The following MGMT variants were observed in gnomAD, a reference collection of about 807,000 sequenced individuals.
MGMT encodes O-6-methylguanine-DNA methyltransferase, also known as methylated-DNA--protein-cysteine methyltransferase.
Under a neutral mutation model 15.9 loss-of-function variants are expected in MGMT, and 14 were observed. That is an observed-to-expected ratio of 0.88 (90% CI 0.58 to 1.37). MGMT has a LOEUF of 1.37. Among genes scored for constraint, MGMT ranks in the 40% most tolerant of loss-of-function variants. The probability of loss-of-function intolerance (pLI) is 0.00; values close to 1 mark genes in which losing one functional copy is unlikely to be tolerated. For synonymous variants in MGMT, 130 were observed against 118.2 expected (o/e 1.10, Z -0.65); for missense variants, 282 against 268.1 (o/e 1.05, Z -0.36).
chr10:129,740,934 G>A (rs1443183652), intron 3 of MGMT, among the ~76,000 whole-genome samples: 3 of 152,132 alleles, frequency 2.0e-5, no homozygotes, highest in East Asian at 3.8e-4. Context: ...CCAGACCTAC[G>A]TTACCATCTT....
chr10:129,554,230 T>C (rs953063694), intron 2 of MGMT, among the ~76,000 whole-genome samples: 7 of 152,214 alleles, frequency 4.6e-5, no homozygotes, highest in Non-Finnish European at 1.0e-4. Context: ...TCATACGCCA[T>C]CTGGGGACTT....
intron 2 of MGMT, among the ~76,000 whole-genome samples, chr10:129,549,045 G>A (rs1362211571): frequency 4.6e-5 from 7 of 152,140 alleles, no homozygotes; most frequent in Non-Finnish European, 5.9e-5. Flanking sequence ...ACTAAGTTTG[G>A]CAAATATGTT....
chr10:129,765,013 C>T (rs1848917250), intron 4 of MGMT, among the ~76,000 whole-genome samples: 1 of 152,072 alleles, frequency 6.6e-6, no homozygotes, highest in Non-Finnish European at 1.5e-5. Flanking sequence ...CCTTCCAGAG[C>T]GAGCTTGGTG....
intron 2 of MGMT, among the ~76,000 whole-genome samples, chr10:129,702,762 A>G (rs377086169): frequency 1.2e-4 from 19 of 152,330 alleles, no homozygotes; most frequent in Middle Eastern, 3.4e-3. Flanking sequence ...GGCGGACCAC[A>G]GGGCCGGCAT....
At chr10:129,751,689 ATTT>A (rs74437292) in intron 3 of MGMT, among the ~76,000 whole-genome samples, 18,437 of 151,906 alleles carry the variant, frequency 0.12, 1,147 homozygotes, top group Middle Eastern at 0.17. Context: ...TGTCCCATAA[ATTT>A]TAATATGCTT....
At chr10:129,494,067 T>C (rs1012599215) in intron 1 of MGMT, among the ~76,000 whole-genome samples, 1 of 152,256 alleles carries the variant, frequency 6.6e-6, no homozygotes, top group African/African-American at 2.4e-5. Context: ...GGCAATTTCA[T>C]ATCTGAGACT....
chr10:129,594,109 G>A (rs34839228), intron 2 of MGMT, among the ~76,000 whole-genome samples: 31,790 of 152,166 alleles, frequency 0.21, 4,287 homozygotes, highest in Non-Finnish European at 0.3. Context: ...TGTGGGGGCA[G>A]CCCTGTGTTG....
intron 3 of MGMT, chr10:129,717,564 G>T (rs1848314108): frequency 1.3e-5 from 2 of 152,098 alleles, no homozygotes. Context: ...CATTTTAATG[G>T]CAAAGACACA....
At chr10:129,555,550 A>C (rs1019877665) in intron 2 of MGMT, among the ~76,000 whole-genome samples, 1 of 151,216 alleles carries the variant, frequency 6.6e-6, no homozygotes, top group Admixed American at 6.6e-5. Context: ...CTACAAAAAA[A>C]CTTAAAAAAA....
At chr10:129,649,146 T>G (rs1847429165) in intron 2 of MGMT, among the ~76,000 whole-genome samples, 1 of 152,324 alleles carries the variant, frequency 6.6e-6, no homozygotes, top group South Asian at 2.1e-4. Flanking sequence ...CCCCCTGTTT[T>G]GTCATTCCAG....
intron 2 of MGMT, among the ~76,000 whole-genome samples, chr10:129,572,226 G>C (rs12252708): frequency 0.048 from 7,318 of 152,192 alleles, 618 homozygotes; most frequent in African/African-American, 0.17. Context: ...TATCTTAGGA[G>C]TAGTTAATTC....
At chr10:129,666,955 C>G (rs1847665959) in intron 2 of MGMT, among the ~76,000 whole-genome samples, 1 of 152,234 alleles carries the variant, frequency 6.6e-6, no homozygotes, top group African/African-American at 2.4e-5. Flanking sequence ...ATGTTGAAGG[C>G]TTCCCAGCCT....
At chr10:129,508,645 A>G (rs542129769) in intron 1 of MGMT, among the ~76,000 whole-genome samples, 2 of 151,614 alleles carry the variant, frequency 1.3e-5, no homozygotes, top group South Asian at 4.2e-4. Context: ...TCCCGGGTTC[A>G]AGTGATTCTC....
At chr10:129,476,829 G>A (rs1299651980) in intron 1 of MGMT, among the ~76,000 whole-genome samples, 4 of 152,178 alleles carry the variant, frequency 2.6e-5, no homozygotes, top group African/African-American at 4.8e-5. Context: ...TAAGACACCT[G>A]GGAAGCTTCT....
At chr10:129,606,465 CT>C (rs1175616133) in intron 2 of MGMT, among the ~76,000 whole-genome samples, 2 of 152,336 alleles carry the variant, frequency 1.3e-5, no homozygotes, top group African/African-American at 4.8e-5. Context: ...GGGGAGGCCC[CT>C]GAGGTCTCTG....
intron 3 of MGMT, chr10:129,715,565 G>A (rs1020081282): frequency 1.3e-5 from 2 of 152,132 alleles, no homozygotes; most frequent in African/African-American, 4.8e-5. Flanking sequence ...GTTAACCTTC[G>A]TCTCTTTTGT....
intron 1 of MGMT, among the ~76,000 whole-genome samples, chr10:129,480,226 G>C (rs1264376650): frequency 1.3e-5 from 2 of 152,152 alleles, no homozygotes; most frequent in Admixed American, 6.5e-5. Flanking sequence ...TGTTTTAACA[G>C]CTTCCTCAGA....
intron 2 of MGMT, among the ~76,000 whole-genome samples, chr10:129,692,884 C>T (rs1847985428): frequency 6.6e-6 from 1 of 152,232 alleles, no homozygotes; most frequent in East Asian, 1.9e-4. Flanking sequence ...AGCCCCAGAC[C>T]TCGCGGTTGC....
intron 1 of MGMT, among the ~76,000 whole-genome samples, chr10:129,524,524 C>G (rs1845847438): frequency 6.7e-6 from 1 of 150,270 alleles, no homozygotes; most frequent in Admixed American, 6.7e-5. Flanking sequence ...AGTGGTAAAG[C>G]CTTTTATGAA....
Sources: allele counts gnomAD v4.1 joint callset (sites outside exome capture counted in the v4.1 genomes callset), GRCh38; gene constraint gnomAD v4.1.1; transcripts MANE v1.5; gene names NCBI Gene and HGNC (gene_info 2026-07-23, HGNC 2026-07-21).